Variants in CAPN2 observed in about 807,000 individuals in gnomAD.
The protein encoded by CAPN2 is calpain-2 catalytic subunit.
A neutral mutation model predicts 102.3 loss-of-function variants in CAPN2; 92 were observed. The ratio of observed to expected loss-of-function variants is 0.90; its 90% CI spans 0.76 to 1.07. The LOEUF is 1.07. Among genes scored for constraint, CAPN2 ranks in the 50% least tolerant of loss-of-function variants. The probability of loss-of-function intolerance (pLI) is 0.00; values close to 1 mark genes in which losing one functional copy is unlikely to be tolerated. For synonymous variants in CAPN2, 340 were observed against 355.4 expected, an observed-to-expected ratio of 0.96 and a Z score of 0.49; for missense variants, 800 against 909.4, an observed-to-expected ratio of 0.88 and a Z score of 1.55.
intron 15 of CAPN2, among the ~76,000 whole-genome samples, chr1:223,765,116 C>G (rs1242111753): frequency 6.6e-6 from 1 of 152,218 alleles, no homozygotes; most frequent in Non-Finnish European, 1.5e-5. Context: ...GAGACAAATG[C>G]AGTCATGGTT....
intron 2 of CAPN2, 144 bp downstream of exon 2, chr1:223,717,975 C>T (rs1224225467): frequency 1.5e-6 from 1 of 679,568 alleles, no homozygotes; most frequent in Non-Finnish European, 2.6e-6. Context: ...AATTTCTTGG[C>T]CCTAGCGGGC....
At position 223,771,821 on chromosome 1, in the gene CAPN2, C is replaced by G; in HGVS notation, c.1916C>G (p.Pro639Arg). 6.2e-7 allele frequency: 1 copy of G among 1,611,314 alleles called. No homozygotes were observed. Among genetic ancestry groups the G allele is most frequent in the South Asian group, 1.1e-5 (1 of 91,030 alleles). Residue 639 changes from proline to arginine, a missense_variant, in exon 19 of 21, where the codon CCC becomes CGC. Physicochemically the swap from Pro to Arg is moderately radical, Grantham distance 103. Coordinates refer to ENST00000295006, the MANE Select transcript of CAPN2 (RefSeq NM_001748.5). The part of the protein sequence containing the change: ...KALEEAGFKM[P>R]CQLHQVIVAR... The stretch of plus-strand genomic sequence containing the variant: ...CATGTAACTTCAGGTTTCAAGATGC[C>G]CTGTCAACTCCACCAAGTCATCGTT...
intron 1 of CAPN2, among the ~76,000 whole-genome samples, chr1:223,717,501 A>C (rs1366204147): frequency 1.3e-5 from 2 of 152,102 alleles, no homozygotes; most frequent in Non-Finnish European, 2.9e-5. Flanking sequence ...CAGCACAATG[A>C]AGGAGGCTCC....
intron 20 of CAPN2, among the ~76,000 whole-genome samples, chr1:223,773,940 G>T (rs1278746684): frequency 6.6e-6 from 1 of 152,074 alleles, no homozygotes; most frequent in East Asian, 1.9e-4. Context: ...AGGCTAAGGT[G>T]GGAGGAACAC....
intron 16 of CAPN2, among the ~76,000 whole-genome samples, chr1:223,767,031 A>G (rs1384266019): frequency 1.3e-5 from 2 of 151,744 alleles, no homozygotes; most frequent in Non-Finnish European, 2.9e-5. Flanking sequence ...ATTCCTGACA[A>G]TATGCCCATC....
rs6696053 is a variant in CAPN2, at chr1:223,755,010, A to G, written c.1136-470A>G. Among the ~76,000 whole-genome samples the G allele has an allele frequency of 0.14, 21,286 of 152,098 alleles. 1,858 individuals carry two copies. Among genetic ancestry groups the G allele is most frequent in the African/African-American group, 0.25 (10,405 of 41,458 alleles). On this transcript the variant is annotated intron_variant, in intron 9 of 20. Coordinates refer to ENST00000295006, the MANE Select transcript of CAPN2 (RefSeq NM_001748.5). The surrounding 1 kb of genome is among the most constrained non-coding windows in gnomAD (Gnocchi z 4.1). Reference sequence around the variant, plus strand: ...CTGGAGCCAGAGAGAGAACTGCAAGAGAAAGTTTCTAATTTAGGTTCCTGT... The same window carrying G: ...CTGGAGCCAGAGAGAGAACTGCAAGGGAAAGTTTCTAATTTAGGTTCCTGT...
At chr1:223,768,570 T>C (rs1661394977) in intron 16 of CAPN2, among the ~76,000 whole-genome samples, 1 of 152,186 alleles carries the variant, frequency 6.6e-6, no homozygotes, top group Non-Finnish European at 1.5e-5. Context: ...ACCAGTACCA[T>C]GCTGTTTTGG....
intron 16 of CAPN2, among the ~76,000 whole-genome samples, chr1:223,769,205 C>T (rs991731883): frequency 3.9e-5 from 6 of 152,112 alleles, no homozygotes; most frequent in South Asian, 2.1e-4. Context: ...CTCGAACCTC[C>T]GCCTCCCAGG....
intron 2 of CAPN2, among the ~76,000 whole-genome samples, chr1:223,738,623 C>T (rs574235546): frequency 1.1e-4 from 17 of 152,292 alleles, no homozygotes; most frequent in African/African-American, 3.9e-4. Context: ...GGCAGGCTCA[C>T]GTGCACACTC....
intron 3 of CAPN2, among the ~76,000 whole-genome samples, chr1:223,744,889 A>G (rs544251559): frequency 1.1e-5 from 1 of 94,732 alleles, no homozygotes; most frequent in African/African-American, 1.2e-4. Context: ...TAAAAACACA[A>G]AAAAAATTAG....
At position 223,751,987 on chromosome 1, in the gene CAPN2, T is replaced by A; in HGVS notation, c.900-10T>A. 3.1e-6 allele frequency: 5 copies of A among 1,591,990 alleles called. No homozygotes were observed. The African/African-American group carries it at 4.1e-5, about 13-fold the overall frequency. On this transcript the variant is annotated splice_polypyrimidine_tract_variant and intron_variant, in intron 7 of 20. Coordinates refer to ENST00000295006, the MANE Select transcript of CAPN2 (RefSeq NM_001748.5). ...TACACTAACGCCTCTCTCTTTACTT[T>A]GTTTTCCAGCTGCCCAAGCTGGAAC...
At chr1:223,718,039 C>T (rs534269781) in intron 2 of CAPN2, among the ~76,000 whole-genome samples, 2 of 152,362 alleles carry the variant, frequency 1.3e-5, no homozygotes, top group East Asian at 1.9e-4. Flanking sequence ...CCTCCTGTGT[C>T]CCCTGCACAG....
At chr1:223,721,489 C>T (rs1234362202) in intron 2 of CAPN2, among the ~76,000 whole-genome samples, 4 of 152,228 alleles carry the variant, frequency 2.6e-5, no homozygotes, top group Non-Finnish European at 5.9e-5. Flanking sequence ...CCTTGCAGGC[C>T]TCTGATTTCC....
chr1:223,761,540 C>T (rs367709985), intron 12 of CAPN2, 41 bp from the exon 13 acceptor site: 13 of 1,584,072 alleles, frequency 8.2e-6, no homozygotes, highest in African/African-American at 5.4e-5. Flanking sequence ...TTTTTGCCCT[C>T]GCCTGCCTTC....
Position 223,770,193 on chromosome 1 carries a change from C to CA in CAPN2, c.1825-249dup. 5.2e-6 allele frequency: 3 copies of CA among 577,168 alleles called. No individual in the cohort carries two copies. The South Asian group carries it at 6.7e-5, about 13-fold the overall frequency. The allele number at this position is 577,168 out of a possible 1,614,324, so 35.8% of individuals were successfully genotyped here. A position where few individuals can be genotyped will look rare whatever the true frequency, so the allele number is the denominator to read the frequency against. The stretch of plus-strand genomic sequence containing the variant: ...AAAAGGGTTTTTGACAGCTAAAGTA[C>CA]AAAAATTATATAAGACAAGAACATG... On this transcript the variant is annotated intron_variant, in intron 17 of 20. Coordinates refer to ENST00000295006, the MANE Select transcript of CAPN2 (RefSeq NM_001748.5).
At chr1:223,713,026 G>C (rs1659782009) in intron 1 of CAPN2, 149 bp downstream of exon 1, 1 of 466,156 alleles carries the variant, frequency 2.1e-6, no homozygotes, top group Non-Finnish European at 3.4e-6. Context: ...CGACACCTCC[G>C]CGCCGCCAGA....
Position 223,727,696 on chromosome 1 carries a change from A to G in CAPN2, c.307+9865A>G, listed in dbSNP as rs1170944969. On this transcript the variant is annotated intron_variant, in intron 2 of 20. Coordinates refer to ENST00000295006, the MANE Select transcript of CAPN2 (RefSeq NM_001748.5). The surrounding 1 kb of genome is among the most constrained non-coding windows in gnomAD (Gnocchi z 4.1). ...GCAAGTATGAGTAAATACTGTAGGA[A>G]AGGAGAAAACATTGCATGTACGGGG... Among the ~76,000 whole-genome samples the G allele has an allele frequency of 6.6e-6, 1 of 152,218 alleles. No homozygotes were observed. The highest frequency in any genetic ancestry group is 1.5e-5 in the Non-Finnish European group (1 of 68,038).
chr1:223,740,603 GACCTA>G lies in CAPN2; in HGVS notation c.308-3495_308-3491del, dbSNP rs1660588984. Among the ~76,000 whole-genome samples, 3 of 152,242 alleles carry G rather than the reference GACCTA, an allele frequency of 2.0e-5. No individual in the cohort carries two copies. In the South Asian group the frequency reaches 6.2e-4, roughly 32 times the overall value. ...TAGATAAGGAAGAGGAACAGGCTAT[GACCTA>G]ATGCTTGCTTGGACCAGTATAAGCA... On this transcript the variant is annotated intron_variant, in intron 2 of 20. Transcript: ENST00000295006.
chr1:223,774,389 A>C (rs1012018707), intron 20 of CAPN2, among the ~76,000 whole-genome samples: 1 of 152,110 alleles, frequency 6.6e-6, no homozygotes, highest in South Asian at 2.1e-4. Context: ...TCACATGGGG[A>C]GCTTTGCCAA....
Sources: gnomAD v4.1 joint callset for allele counts (sites outside exome capture counted in the v4.1 genomes callset) on GRCh38, gnomAD v4.1.1 for gene constraint, Gnocchi (gnomAD v3.1) non-coding constraint, MANE v1.5 for transcripts, NCBI Gene and HGNC (gene_info 2026-07-23, HGNC 2026-07-21) for gene names.